TNR: variants seen among roughly 807,000 people sequenced by gnomAD.
TNR encodes the protein tenascin R.
A neutral mutation model predicts 150.4 loss-of-function variants in TNR; 45 were observed. The ratio of observed to expected loss-of-function variants is 0.30; its 90% CI spans 0.24 to 0.38. The LOEUF (loss-of-function observed/expected upper bound fraction) is 0.38, where lower values mean the gene tolerates loss of function less well. Ranked by LOEUF, TNR falls within the 10% of genes least tolerant of loss-of-function variation. The pLI, the probability that TNR is intolerant of heterozygous loss-of-function variation, is 1.00. For missense variants in TNR, 1,544 were observed against 1,759.1 expected (o/e 0.88, Z 2.19); for synonymous variants, 687 against 678.4 (o/e 1.01, Z -0.20).
intron 1 of TNR, among the ~76,000 whole-genome samples, chr1:175,718,181 G>A (rs1667204480): frequency 6.6e-6 from 1 of 152,150 alleles, no homozygotes; most frequent in South Asian, 2.1e-4. Context: ...CTGAGATCAT[G>A]GGTGAAACAA....
chr1:175,338,768 C>A (rs912762970), intron 18 of TNR, among the ~76,000 whole-genome samples: 1 of 152,152 alleles, frequency 6.6e-6, no homozygotes. Context: ...CCAAGGATGG[C>A]AACATAGCAA....
chr1:175,636,007 A>G (rs1664481087), intron 1 of TNR, among the ~76,000 whole-genome samples: 1 of 152,178 alleles, frequency 6.6e-6, no homozygotes, highest in Admixed American at 6.5e-5. Context: ...CTCAGGCCAT[A>G]CCATGGGTGC....
chr1:175,433,038 T>G (rs926449162), intron 2 of TNR, among the ~76,000 whole-genome samples: 6 of 152,104 alleles, frequency 3.9e-5, no homozygotes, highest in Non-Finnish European at 7.4e-5. Context: ...GACTGGAGCA[T>G]GGGCATGATG....
intron 1 of TNR, among the ~76,000 whole-genome samples, chr1:175,678,558 C>T (rs1025724934): frequency 6.6e-6 from 1 of 152,142 alleles, no homozygotes; most frequent in Non-Finnish European, 1.5e-5. Flanking sequence ...CCCTGCCCAC[C>T]TCCCCTGTCT....
At chr1:175,634,694 G>A (rs146780042) in intron 1 of TNR, among the ~76,000 whole-genome samples, 1 of 152,268 alleles carries the variant, frequency 6.6e-6, no homozygotes, top group East Asian at 1.9e-4. Context: ...TAAGTTCCAA[G>A]TATGGACACC....
At chr1:175,459,955 A>G (rs1402887247) in intron 2 of TNR, among the ~76,000 whole-genome samples, 1 of 152,230 alleles carries the variant, frequency 6.6e-6, no homozygotes, top group Non-Finnish European at 1.5e-5. Context: ...TAGAGTTTGC[A>G]GTAATAACGG....
At chr1:175,710,451 A>G (rs960539411) in intron 1 of TNR, among the ~76,000 whole-genome samples, 1 of 152,098 alleles carries the variant, frequency 6.6e-6, no homozygotes, top group Non-Finnish European at 1.5e-5. Context: ...TAGCTCAGTG[A>G]CCTGCACTGG....
At chr1:175,480,289 C>T (rs1367122442) in intron 2 of TNR, among the ~76,000 whole-genome samples, 1 of 115,978 alleles carries the variant, frequency 8.6e-6, no homozygotes, top group Admixed American at 1.1e-4. Context: ...GAGGGCTGGA[C>T]ATAGTAAAAA....
chr1:175,733,170 G>A (rs1667686250), intron 1 of TNR, among the ~76,000 whole-genome samples: 2 of 152,176 alleles, frequency 1.3e-5, no homozygotes, highest in Non-Finnish European at 2.9e-5. Context: ...AGCAATATTT[G>A]ACCTTAAGAA....
chr1:175,708,828 A>G (rs1381252781), intron 1 of TNR, among the ~76,000 whole-genome samples: 1 of 152,206 alleles, frequency 6.6e-6, no homozygotes, highest in Non-Finnish European at 1.5e-5. Flanking sequence ...AGGAAATTCT[A>G]CTTGCATTTT....
chr1:175,560,835 T>G (rs1661397563), intron 1 of TNR, among the ~76,000 whole-genome samples: 1 of 152,252 alleles, frequency 6.6e-6, no homozygotes, highest in Non-Finnish European at 1.5e-5. Flanking sequence ...CTTGTCAGGT[T>G]TGAAAACTTT....
chr1:175,541,294 G>C (rs758701499), intron 1 of TNR, among the ~76,000 whole-genome samples: 1 of 152,222 alleles, frequency 6.6e-6, no homozygotes, highest in Non-Finnish European at 1.5e-5. Flanking sequence ...GGGTCAATAA[G>C]TATTAAACTA....
At chr1:175,408,157 A>T (rs1654042840) in intron 2 of TNR, among the ~76,000 whole-genome samples, 2 of 151,884 alleles carry the variant, frequency 1.3e-5, no homozygotes, top group Admixed American at 6.6e-5. Flanking sequence ...GCTTCTCCCC[A>T]CCTGGACTGC....
At chr1:175,361,328 T>G (rs924367555) in intron 14 of TNR, among the ~76,000 whole-genome samples, 4 of 152,190 alleles carry the variant, frequency 2.6e-5, no homozygotes, top group Non-Finnish European at 2.9e-5. Context: ...AAGGCTAATT[T>G]CTTTAATATG....
At chr1:175,677,416 G>C (rs770951960) in intron 1 of TNR, among the ~76,000 whole-genome samples, 1 of 152,266 alleles carries the variant, frequency 6.6e-6, no homozygotes, top group Middle Eastern at 3.4e-3. Context: ...GTTATTTTGT[G>C]ACTTTGCTTT....
chr1:175,349,282 T>C (rs1305422885), intron 18 of TNR, among the ~76,000 whole-genome samples: 1 of 152,222 alleles, frequency 6.6e-6, no homozygotes, highest in Non-Finnish European at 1.5e-5. Flanking sequence ...TAAGTGGACA[T>C]GTACAAAGTA....
intron 1 of TNR, among the ~76,000 whole-genome samples, chr1:175,712,474 A>C (rs568361409): frequency 1.3e-5 from 2 of 152,306 alleles, no homozygotes; most frequent in African/African-American, 4.8e-5. Context: ...ATGGGAAGGA[A>C]GGAATAGGAT....
intron 13 of TNR, 71 bp from the exon 14 acceptor site, chr1:175,362,880 T>C (rs1651667874): frequency 6.3e-7 from 1 of 1,587,406 alleles, no homozygotes. Context: ...GTACAGTCTA[T>C]GTCAATAAAG....
At position 175,323,308 on chromosome 1, in the gene TNR, A is replaced by G; in HGVS notation, c.*49T>C. ...CTCCCCCCTTGTTTCATATTATAAA[A>G]TACAAACAAATGACAGAAAATATTG... On this transcript the variant is annotated 3_prime_UTR_variant, in exon 23 of 23. Transcript: ENST00000367674. 2 of 1,607,078 alleles carry G rather than the reference A, an allele frequency of 1.2e-6. No individual in the cohort carries two copies. The highest frequency in any genetic ancestry group is 8.5e-7 in the Non-Finnish European group (1 of 1,175,904).
Sources: gnomAD v4.1 joint callset for allele counts (sites outside exome capture counted in the v4.1 genomes callset) on GRCh38, gnomAD v4.1.1 for gene constraint, MANE v1.5 for transcripts, NCBI Gene and HGNC (gene_info 2026-07-23, HGNC 2026-07-21) for gene names.